AKAP3: variants seen among roughly 807,000 people sequenced by gnomAD.
AKAP3 encodes the protein A-kinase anchor protein 3.
AKAP3 carries 27 observed loss-of-function variants against 57.2 expected under a neutral mutation model. That is an observed-to-expected ratio of 0.47 (90% CI 0.35 to 0.65). The LOEUF is 0.65. Among genes scored for constraint, AKAP3 ranks in the 30% least tolerant of loss-of-function variants. The pLI is 0.01. For missense variants in AKAP3, 959 were observed against 1,040.0 expected (o/e 0.92, Z 1.07); for synonymous variants, 334 against 392.3 (o/e 0.85, Z 1.76).
In AKAP3 at chr12:4,631,514, G is replaced by T. The variant is rs373259913; in HGVS notation, c.97-2709C>A. On this transcript the variant is annotated intron_variant, in intron 4 of 5. Coordinates refer to ENST00000228850, the MANE Select transcript of AKAP3 (RefSeq NM_001278309.2). ...ATTCAAAAAATGTTAGATGTAAGCAGCAATGTCTTCCCCCAGAGAGTATTA... is the reference window on the plus strand; with the variant it reads ...ATTCAAAAAATGTTAGATGTAAGCATCAATGTCTTCCCCCAGAGAGTATTA... The T allele has an allele frequency of 1.4e-3, 831 of 579,538 alleles. 22 individuals carry two copies. The South Asian group carries it at 0.018, about 12-fold the overall frequency. The allele number at this position is 579,538 out of a possible 1,614,324, so 35.9% of individuals were successfully genotyped here.
chr12:4,630,717 A>G (rs1945486715), intron 4 of AKAP3, among the ~76,000 whole-genome samples: 1 of 152,196 alleles, frequency 6.6e-6, no homozygotes, highest in Middle Eastern at 3.2e-3. Flanking sequence ...TCTGTTAACT[A>G]TAGACAACTG....
chr12:4,638,515 C>A (rs1307360546), intron 3 of AKAP3, among the ~76,000 whole-genome samples: 1 of 152,142 alleles, frequency 6.6e-6, no homozygotes, highest in South Asian at 2.1e-4. Flanking sequence ...CCTTGCTTGA[C>A]GACCCTCCCC....
chr12:4,624,400 A>T (rs6416318), intron 5 of AKAP3, among the ~76,000 whole-genome samples: 8 of 151,020 alleles, frequency 5.3e-5, no homozygotes, highest in South Asian at 2.1e-4. Context: ...TGATCCAAAC[A>T]ATTTTTTTCT....
chr12:4,648,710 C>T, intron 1 of AKAP3, 35 bp downstream of exon 1: 1 of 166,860 alleles, frequency 6.0e-6, no homozygotes, highest in South Asian at 1.6e-4. Context: ...CTCCTGAGCG[C>T]GGAGGGCTAC....
chr12:4,635,092 C>T (rs1209404347), intron 4 of AKAP3, among the ~76,000 whole-genome samples: 1 of 152,018 alleles, frequency 6.6e-6, no homozygotes, highest in East Asian at 1.9e-4. Context: ...GAAATTATTC[C>T]CCCTAACCTT....
Position 4,628,096 on chromosome 12 carries a change from C to T in AKAP3, c.806G>A (p.Arg269Gln), listed in dbSNP as rs545087055. 1.5e-5 allele frequency: 24 copies of T among 1,614,148 alleles called. 1 individual carries two copies. The East Asian group carries it at 1.6e-4, about 10-fold the overall frequency. Residue 269 changes from arginine (R) to glutamine (Q), a missense_variant, in exon 5 of 6, where the codon CGA (arginine) becomes CAA (glutamine). By Grantham distance (43) the Arg-to-Gln change is conservative. Transcript: ENST00000228850. Reference protein sequence around the residue: ...RFFPRERKRFRGQERPDDFTA... With the variant: ...RFFPRERKRFQGQERPDDFTA... ...AAAGTCATCAGGCCTTTCCTGCCCTCGAAACCTCTTTCTCTCCCGAGGAAA... is the reference window on the plus strand; with the variant it reads ...AAAGTCATCAGGCCTTTCCTGCCCTTGAAACCTCTTTCTCTCCCGAGGAAA...
At chr12:4,616,054 T>G (rs1452670577) in intron 5 of AKAP3, among the ~76,000 whole-genome samples, 160 bp from the exon 6 acceptor site, 1 of 152,246 alleles carries the variant, frequency 6.6e-6, no homozygotes, top group Non-Finnish European at 1.5e-5. Context: ...GGTTGGTGAC[T>G]TCATTCTTAG....
At chr12:4,621,444 A>T (rs1360818881) in intron 5 of AKAP3, among the ~76,000 whole-genome samples, 1 of 152,200 alleles carries the variant, frequency 6.6e-6, no homozygotes, top group African/African-American at 2.4e-5. Flanking sequence ...CATTCATGGT[A>T]AGTGACCTAT....
intron 4 of AKAP3, among the ~76,000 whole-genome samples, chr12:4,630,097 ATTGGAGT>A (rs1945478781): frequency 6.6e-6 from 1 of 152,198 alleles, no homozygotes; most frequent in Admixed American, 6.5e-5. Flanking sequence ...CACTGTAATT[ATTGGAGT>A]TCATATGTCT....
At chr12:4,619,386 C>A (rs540847212) in intron 5 of AKAP3, among the ~76,000 whole-genome samples, 1 of 151,958 alleles carries the variant, frequency 6.6e-6, no homozygotes, top group East Asian at 1.9e-4. Context: ...TGACAAGACC[C>A]CATCTCTAAA....
chr12:4,627,719 TG>T lies in AKAP3; in HGVS notation c.1182del (p.Arg395GlyfsTer15). On this transcript the variant is annotated frameshift_variant, in exon 5 of 6. Coordinates refer to ENST00000228850, the MANE Select transcript of AKAP3 (RefSeq NM_001278309.2). LOFTEE classifies it high-confidence loss of function. ...VMFAKKVPEH[V>X]RKAQDKAESY... The stretch of plus-strand genomic sequence containing the variant: ...CTCTCAGCCTTGTCTTGGGCTTTCC[TG>T]ACATGCTCAGGGACTTTCTTGGCAA... 6.2e-7 allele frequency: 1 copy of T among 1,614,176 alleles called. No individual in the cohort carries two copies. Among genetic ancestry groups the T allele is most frequent in the Non-Finnish European group, 8.5e-7 (1 of 1,180,030 alleles).
At chr12:4,617,598 C>T (rs139666928) in intron 5 of AKAP3, among the ~76,000 whole-genome samples, 91 of 152,126 alleles carry the variant, frequency 6.0e-4, no homozygotes, top group African/African-American at 2.0e-3. Flanking sequence ...ACTAAAAATA[C>T]GAAAATAACT....
Position 4,615,715 on chromosome 12 carries a change from A to AG in AKAP3, c.*23dup. On this transcript the variant is annotated 3_prime_UTR_variant, in exon 6 of 6. Transcript: ENST00000228850. ...TAAGGGCCGGCCCCACTGCCAGAAG[A>AG]GGGGAAAGCAGTGGGGTTGCCGATT... is the stretch of plus-strand genomic sequence containing the variant. 6.2e-7 allele frequency: 1 copy of AG among 1,605,642 alleles called. No individual in the cohort carries two copies.
Position 4,628,161 on chromosome 12 carries a change from T to C in AKAP3, c.741A>G (p.Glu247=), listed in dbSNP as rs757348544. The C allele has an allele frequency of 5.0e-6, 8 of 1,614,196 alleles. No homozygotes were observed. The East Asian group carries it at 1.8e-4, about 36-fold the overall frequency. The part of the protein sequence containing the change: ...KKSFFYKEVF[E]SRNGDYAREG... ...CTCTGGCATAATCTCCATTACGAGA[T>C]TCAAACACTTCCTTATAGAAGAAAG... Residue 247 remains glutamate, a synonymous_variant, in exon 5 of 6, where the codon GAA becomes GAG. Coordinates refer to ENST00000228850, the MANE Select transcript of AKAP3 (RefSeq NM_001278309.2).
rs746664105 is a variant in AKAP3 at position 4,628,556 on chromosome 12, C to G, written c.346G>C (p.Gly116Arg). ...IPCQGPRAQL[G>R]NGSSVDEVSF... is the part of the protein sequence containing the mutation. ...ACTTCATCTACTGAACTCCCGTTGC[C>G]AAGTTGGGCCCTGGGGCCCTGGCAA... The change falls in exon 5 of 6, where the codon GGC (glycine) becomes CGC (arginine). Residue 116 changes from glycine to arginine, a missense_variant. Physicochemically the swap from Gly to Arg is moderately radical, Grantham distance 125. Transcript: ENST00000228850. 5 of 1,614,156 alleles carry G rather than the reference C, an allele frequency of 3.1e-6. No homozygotes were observed. In the South Asian group the frequency reaches 3.3e-5, roughly 11 times the overall value.
rs758452008 is a variant in AKAP3, at chr12:4,627,635, C to CA, written c.1266dup (p.Ala423CysfsTer5). 1 of 1,614,018 alleles carries CA rather than the reference C, an allele frequency of 6.2e-7. No individual in the cohort carries two copies. The highest frequency in any genetic ancestry group is 8.5e-7 in the Non-Finnish European group (1 of 1,180,032). On this transcript the variant is annotated frameshift_variant, in exon 5 of 6. Transcript: ENST00000228850. LOFTEE classifies it high-confidence loss of function. ...CTCAATTTAGTTTCAGATTTCATGG[C>CA]AAAGTTCACATTTCGGTTTTTAGGA...
Position 4,627,044 on chromosome 12 carries a change from G to C in AKAP3, c.1858C>G (p.Gln620Glu), listed in dbSNP as rs775741286. ...DQSPEPKVPE[Q>E]PVKEDRKLCE... ...AACTTCCTATCTTCCTTAACTGGCT[G>C]TTCCGGCACCTTGGGTTCAGGGCTC... is the stretch of plus-strand genomic sequence containing the variant. The change falls in exon 5 of 6, where the codon CAG (glutamine) becomes GAG (glutamate). Residue 620 changes from glutamine to glutamate, a missense_variant. Gln to Glu is a conservative substitution (Grantham distance 29). Coordinates refer to ENST00000228850, the MANE Select transcript of AKAP3 (RefSeq NM_001278309.2). 1.1e-5 allele frequency: 17 copies of C among 1,613,882 alleles called. No individual in the cohort carries two copies. Among genetic ancestry groups the C allele is most frequent in the Middle Eastern group, 1.6e-4 (1 of 6,080 alleles).
chr12:4,639,549 T>G (rs1455659835), intron 3 of AKAP3, among the ~76,000 whole-genome samples: 1 of 151,950 alleles, frequency 6.6e-6, no homozygotes, highest in East Asian at 1.9e-4. Context: ...TTACATTAGG[T>G]ATTTCTCCTA....
At chr12:4,620,623 G>T (rs948742007) in intron 5 of AKAP3, among the ~76,000 whole-genome samples, 1 of 151,894 alleles carries the variant, frequency 6.6e-6, no homozygotes, top group Non-Finnish European at 1.5e-5. Flanking sequence ...GTGAACCACA[G>T]ACTGTACATA....
Sources: gnomAD v4.1 joint callset for allele counts (sites outside exome capture counted in the v4.1 genomes callset) on GRCh38, gnomAD v4.1.1 for gene constraint, MANE v1.5 for transcripts, NCBI Gene and HGNC (gene_info 2026-07-23, HGNC 2026-07-21) for gene names.